Variants in TMED7 observed in about 807,000 individuals in gnomAD.
TMED7 encodes transmembrane p24 trafficking protein 7.
Under a neutral mutation model 23.4 loss-of-function variants are expected in TMED7, and 8 were observed. The observed-to-expected ratio is 0.34, with a 90% CI of 0.20 to 0.62. The LOEUF is 0.62. Among genes scored for constraint, TMED7 ranks in the 20% least tolerant of loss-of-function variants. The pLI, the probability that TMED7 is intolerant of heterozygous loss-of-function variation, is 0.77. For synonymous variants in TMED7, 121 were observed against 108.5 expected, an observed-to-expected ratio of 1.12 and a Z score of -0.72; for missense variants, 232 against 279.1, an observed-to-expected ratio of 0.83 and a Z score of 1.20.
In TMED7 at chr5:115,616,142, G is replaced by A. The variant is rs2112565074; in HGVS notation, c.*67C>T. On this transcript the variant is annotated 3_prime_UTR_variant, in exon 3 of 3. Coordinates refer to ENST00000456936, the MANE Select transcript of TMED7 (RefSeq NM_181836.6). Reference sequence around the variant, plus strand: ...AATGTTGCCAATATTAAGTTCTTCAGTACCTAAAATTAATTAGAGGACAGC... The same window carrying A: ...AATGTTGCCAATATTAAGTTCTTCAATACCTAAAATTAATTAGAGGACAGC... 1 of 1,460,532 alleles carries A rather than the reference G, an allele frequency of 6.8e-7. No homozygotes were observed. The highest frequency in any genetic ancestry group is 9.5e-7 in the Non-Finnish European group (1 of 1,047,456). 90.5% of individuals were successfully genotyped at this position (1,460,532 alleles called of 1,614,324 possible).
At chr5:115,617,143 T>G (rs1756799182) in intron 2 of TMED7, among the ~76,000 whole-genome samples, 1 of 152,216 alleles carries the variant, frequency 6.6e-6, no homozygotes, top group Non-Finnish European at 1.5e-5. Context: ...AGCTTGCCTT[T>G]TTATACATTT....
chr5:115,625,066 C>T (rs570624701), intron 1 of TMED7, among the ~76,000 whole-genome samples: 24 of 152,334 alleles, frequency 1.6e-4, no homozygotes, highest in African/African-American at 5.5e-4. Flanking sequence ...TATATAATCC[C>T]AAATATCAGA....
intron 1 of TMED7, among the ~76,000 whole-genome samples, chr5:115,620,949 A>T (rs1225072125): frequency 6.6e-6 from 1 of 152,214 alleles, no homozygotes; most frequent in Non-Finnish European, 1.5e-5. Context: ...TAATTCTCCC[A>T]GCAACCCTAC....
Position 115,616,692 on chromosome 5 carries a change from A to G in TMED7, c.439-247T>C, listed in dbSNP as rs1376736291. The G allele has an allele frequency of 2.0e-5, 11 of 541,822 alleles. No homozygotes were observed. In the Admixed American group the frequency reaches 3.5e-4, roughly 17 times the overall value. The allele number at this position is 541,822 out of a possible 1,614,324, so 33.6% of individuals were successfully genotyped here. ...TTTCCCCAACTGAGATGTCACAGCC[A>G]TGGCATCAGTAAGGGGGCAGATGGA... On this transcript the variant is annotated intron_variant, in intron 2 of 2. Coordinates refer to ENST00000456936, the MANE Select transcript of TMED7 (RefSeq NM_181836.6).
chr5:115,625,925 G>A lies in TMED7; in HGVS notation c.-133C>T. 1 of 1,212,488 alleles carries A rather than the reference G, an allele frequency of 8.2e-7. No individual in the cohort carries two copies. The highest frequency in any genetic ancestry group is 1.0e-6 in the Non-Finnish European group (1 of 957,130). The allele number at this position is 1,212,488 out of a possible 1,614,324, so 75.1% of individuals were successfully genotyped here. On this transcript the variant is annotated 5_prime_UTR_variant, in exon 1 of 3. Transcript: ENST00000456936. ...ACAGCAGAGCAGGTTCACGCCTGTG[G>A]GAGATTCGGGATCAGAGCGACCCTC...
At chr5:115,624,798 GTCTTCC>G (rs1757145980) in intron 1 of TMED7, among the ~76,000 whole-genome samples, 1 of 152,186 alleles carries the variant, frequency 6.6e-6, no homozygotes, top group African/African-American at 2.4e-5. Context: ...TCCAAAGGAA[GTCTTCC>G]TTCATGGATC....
intron 1 of TMED7, among the ~76,000 whole-genome samples, chr5:115,624,729 C>A (rs1757142754): frequency 6.6e-6 from 1 of 152,204 alleles, no homozygotes; most frequent in African/African-American, 2.4e-5. Flanking sequence ...GGCTATTCCC[C>A]CTCCTCCCTT....
At chr5:115,619,652 T>C (rs1756947604) in intron 2 of TMED7, among the ~76,000 whole-genome samples, 1 of 152,168 alleles carries the variant, frequency 6.6e-6, no homozygotes, top group Admixed American at 6.5e-5. Context: ...GTTTCATATA[T>C]GCCTTATACA....
rs1756578723 is a variant in TMED7 at position 115,613,961 on chromosome 5, G to A, written c.*2248C>T. On this transcript the variant is annotated 3_prime_UTR_variant, in exon 3 of 3. Transcript: ENST00000456936. The stretch of plus-strand genomic sequence containing the variant: ...CTTTAAAAATATATACAACTATGAT[G>A]TTCAAATATGTATTCTGAGCCATTA... 6.6e-6 allele frequency: 1 copy of A among 152,440 alleles called. No homozygotes were observed. The highest frequency in any genetic ancestry group is 1.5e-5 in the Non-Finnish European group (1 of 67,948). The allele number at this position is 152,440 out of a possible 1,614,324, so 9.4% of individuals were successfully genotyped here. A position where few individuals can be genotyped will look rare whatever the true frequency, so the allele number is the denominator to read the frequency against.
chr5:115,623,824 T>A (rs73782721), intron 1 of TMED7, among the ~76,000 whole-genome samples: 7,719 of 152,258 alleles, frequency 0.051, 602 homozygotes, highest in African/African-American at 0.17. Flanking sequence ...TTGTCACATT[T>A]AACATTTTAT....
At chr5:115,625,410 C>CA (rs1248666787) in intron 1 of TMED7, among the ~76,000 whole-genome samples, 191 bp downstream of exon 1, 2 of 152,184 alleles carry the variant, frequency 1.3e-5, no homozygotes, top group Non-Finnish European at 2.9e-5. Context: ...TATATTTTAA[C>CA]ACCCGGTCTT....
intron 1 of TMED7, among the ~76,000 whole-genome samples, chr5:115,623,250 G>A (rs1290199761): frequency 6.6e-6 from 1 of 152,224 alleles, no homozygotes; most frequent in Non-Finnish European, 1.5e-5. Context: ...AACCACCCAA[G>A]TGTGCAAAGA....
rs765431260 is a variant in TMED7, at chr5:115,625,739, C to A, written c.54G>T (p.Gly18=). The A allele has an allele frequency of 1.3e-6, 2 of 1,562,876 alleles. No individual in the cohort carries two copies. The highest frequency in any genetic ancestry group is 1.2e-5 in the South Asian group (1 of 84,990). ...GTAGCAGCAGTGCGAGCAGCCTGCA[C>A]CCCCAACGGCCCGCGACGGCCGCCC... ...QRWAAVAGRW[G]CRLLALLLLV... Residue 18 remains glycine, a synonymous_variant, in exon 1 of 3, where the codon GGG becomes GGT. Coordinates refer to ENST00000456936, the MANE Select transcript of TMED7 (RefSeq NM_181836.6).
In TMED7 at chr5:115,625,759, C is replaced by A; in HGVS notation, c.34G>T (p.Ala12Ser). The A allele has an allele frequency of 6.6e-7, 1 of 1,526,228 alleles. No individual in the cohort carries two copies. The highest frequency in any genetic ancestry group is 8.8e-7 in the Non-Finnish European group (1 of 1,138,704). 94.5% of individuals were successfully genotyped at this position (1,526,228 alleles called of 1,614,324 possible). Residue 12 changes from alanine to serine, a missense_variant, in exon 1 of 3, where the codon GCC becomes TCC. Around this residue, in one of 2 missense-constraint regions of TMED7, gnomAD observed 106 missense variants for 97.0 expected, o/e 1.09. Transcript: ENST00000456936. ...PRPGSAQRWA[A>S]VAGRWGCRLL... is the part of the protein sequence containing the mutation. ...CTGCACCCCCAACGGCCCGCGACGG[C>A]CGCCCAGCGCTGCGCGGACCCCGGC...
chr5:115,623,957 C>A (rs930613505), intron 1 of TMED7, among the ~76,000 whole-genome samples: 12 of 152,152 alleles, frequency 7.9e-5, no homozygotes, highest in Non-Finnish European at 1.8e-4. Context: ...ACGTTTTATG[C>A]CCTTGGTTCT....
chr5:115,620,772 AT>A (rs1561590624), intron 1 of TMED7, 92 bp from the exon 2 acceptor site: 2 of 1,285,414 alleles, frequency 1.6e-6, no homozygotes, highest in Non-Finnish European at 2.0e-6. Flanking sequence ...CAATAAGGTG[AT>A]GGGCAAAGGA....
At chr5:115,618,591 T>A (rs1013949405) in intron 2 of TMED7, among the ~76,000 whole-genome samples, 1 of 152,208 alleles carries the variant, frequency 6.6e-6, no homozygotes, top group African/African-American at 2.4e-5. Context: ...CTTTATCCTC[T>A]GTATTTCTTG....
At position 115,623,430 on chromosome 5, in the gene TMED7, A is replaced by G. The variant is rs546142705; in HGVS notation, c.192+2171T>C. On this transcript the variant is annotated intron_variant, in intron 1 of 2. Coordinates refer to ENST00000456936, the MANE Select transcript of TMED7 (RefSeq NM_181836.6). ...GCAAATCATCAATCTCATTGTTACCAATAAATAATGTTGACAAACTGGTAC... is the reference window on the plus strand; with the variant it reads ...GCAAATCATCAATCTCATTGTTACCGATAAATAATGTTGACAAACTGGTAC... Among the ~76,000 whole-genome samples the G allele has an allele frequency of 2.6e-5, 4 of 152,354 alleles. No homozygotes were observed. The East Asian group carries it at 7.7e-4, about 29-fold the overall frequency.
rs1330480581 is a variant in TMED7, at chr5:115,613,308, A to G, written c.*2901T>C. On this transcript the variant is annotated 3_prime_UTR_variant, in exon 3 of 3. Coordinates refer to ENST00000456936, the MANE Select transcript of TMED7 (RefSeq NM_181836.6). ...CACCTACACAAACTTTCAGTAAGGA[A>G]TGCAAAGAGAAGGTTACAAATTAGG... Among the ~76,000 whole-genome samples, 1 of 152,238 alleles carries G rather than the reference A, an allele frequency of 6.6e-6. No individual in the cohort carries two copies. Among genetic ancestry groups the G allele is most frequent in the African/African-American group, 2.4e-5 (1 of 41,468 alleles).
Sources: allele counts gnomAD v4.1 joint callset (sites outside exome capture counted in the v4.1 genomes callset), GRCh38; gene constraint gnomAD v4.1.1; regional missense constraint gnomAD v4.1.1; transcripts MANE v1.5; gene names NCBI Gene and HGNC (gene_info 2026-07-23, HGNC 2026-07-21).